MYO9A: variants seen among roughly 807,000 people sequenced by gnomAD.
MYO9A encodes the protein myosin IXA.
In MYO9A, 103 loss-of-function variants were observed where a neutral mutation model predicts 293.3. That is an observed-to-expected ratio of 0.35 (90% CI 0.30 to 0.41). The LOEUF (loss-of-function observed/expected upper bound fraction) is 0.41, where lower values mean the gene tolerates loss of function less well. Among genes scored for constraint, MYO9A ranks in the 10% least tolerant of loss-of-function variants. The probability of loss-of-function intolerance (pLI) is 1.00; values close to 1 mark genes in which losing one functional copy is unlikely to be tolerated. For missense variants in MYO9A, 2,685 were observed against 3,033.0 expected (o/e 0.89, Z 2.69); for synonymous variants, 1,001 against 1,035.7 (o/e 0.97, Z 0.64).
At chr15:72,085,749 G>A (rs767194056) in intron 1 of MYO9A, among the ~76,000 whole-genome samples, 20 of 152,124 alleles carry the variant, frequency 1.3e-4, no homozygotes, top group Admixed American at 8.5e-4. Context: ...TCAACTTTGC[G>A]GGCTGATGTT....
chr15:72,005,985 G>A (rs572486961), intron 8 of MYO9A, among the ~76,000 whole-genome samples: 1 of 152,274 alleles, frequency 6.6e-6, no homozygotes, highest in African/African-American at 2.4e-5. Flanking sequence ...TCCTTCAACA[G>A]ATAAATGAAT....
At chr15:71,903,116 A>G (rs1409266084) in intron 21 of MYO9A, 53 bp from the exon 22 acceptor site, 11 of 1,434,536 alleles carry the variant, frequency 7.7e-6, no homozygotes, top group Non-Finnish European at 1.1e-5. Context: ...TATGTAAACA[A>G]GACCTTAAAC....
At chr15:71,968,537 T>A (rs1236912139) in intron 12 of MYO9A, among the ~76,000 whole-genome samples, 1 of 152,200 alleles carries the variant, frequency 6.6e-6, no homozygotes, top group South Asian at 2.1e-4. Context: ...TAAAAATCCA[T>A]AAGAATTATT....
rs938361111 is a variant in MYO9A, at chr15:72,116,037, G to A, written c.-72+1643C>T. Among the ~76,000 whole-genome samples the A allele has an allele frequency of 1.5e-4, 23 of 152,288 alleles. 1 individual carries two copies. Among genetic ancestry groups the A allele is most frequent in the Middle Eastern group, 6.8e-3 (2 of 294 alleles). On this transcript the variant is annotated intron_variant, in intron 1 of 41. Coordinates refer to ENST00000356056, the MANE Select transcript of MYO9A (RefSeq NM_006901.4). The stretch of plus-strand genomic sequence containing the variant: ...AAAAAAAACAGGCTATGTATAGAAT[G>A]TAAAGTATGCAACCATTTGTGTACA...
intron 39 of MYO9A, among the ~76,000 whole-genome samples, chr15:71,845,736 T>C (rs1249786222): frequency 6.6e-6 from 1 of 152,224 alleles, no homozygotes; most frequent in Admixed American, 6.5e-5. Flanking sequence ...AAATTAATTT[T>C]ATTTACTTCT....
At chr15:72,071,640 G>A (rs917827750) in intron 1 of MYO9A, among the ~76,000 whole-genome samples, 4 of 152,030 alleles carry the variant, frequency 2.6e-5, no homozygotes, top group Non-Finnish European at 5.9e-5. Context: ...TACAGAGGCA[G>A]GTTACAGAGG....
intron 16 of MYO9A, among the ~76,000 whole-genome samples, chr15:71,937,991 A>T (rs1192260440): frequency 1.3e-5 from 2 of 152,170 alleles, no homozygotes; most frequent in African/African-American, 4.8e-5. Flanking sequence ...TACAATATAA[A>T]GATAGCAAAT....
At chr15:71,960,936 C>T (rs1017852993) in intron 13 of MYO9A, among the ~76,000 whole-genome samples, 45 of 152,090 alleles carry the variant, frequency 3.0e-4, no homozygotes, top group Non-Finnish European at 5.3e-4. Flanking sequence ...CAGGCTGGAG[C>T]ACTGGGGACA....
intron 35 of MYO9A, among the ~76,000 whole-genome samples, chr15:71,853,263 C>A (rs375706659): frequency 1.2e-4 from 19 of 152,316 alleles, no homozygotes; most frequent in African/African-American, 4.6e-4. Flanking sequence ...AAAACGCATA[C>A]AGGACACTTT....
chr15:71,978,745 C>A (rs2076202795), intron 11 of MYO9A, among the ~76,000 whole-genome samples: 1 of 150,608 alleles, frequency 6.6e-6, no homozygotes. Flanking sequence ...AATTCATACA[C>A]ACTAAACTTT....
chr15:71,954,855 C>T (rs1264152668), intron 14 of MYO9A, among the ~76,000 whole-genome samples: 4 of 152,196 alleles, frequency 2.6e-5, no homozygotes, highest in Non-Finnish European at 5.9e-5. Flanking sequence ...AGACCTTAGG[C>T]AATATCTTTG....
chr15:71,976,686 T>C (rs1030353188), intron 12 of MYO9A, among the ~76,000 whole-genome samples: 1 of 152,234 alleles, frequency 6.6e-6, no homozygotes, highest in Non-Finnish European at 1.5e-5. Context: ...TGTTGGGGCA[T>C]ATAGAGTAAT....
intron 32 of MYO9A, among the ~76,000 whole-genome samples, chr15:71,865,886 G>C (rs1190617067): frequency 6.6e-6 from 1 of 152,166 alleles, no homozygotes; most frequent in Non-Finnish European, 1.5e-5. Flanking sequence ...AATTTCTTGA[G>C]ACAACCATCA....
At chr15:71,879,420 A>C (rs777161403) in intron 30 of MYO9A, among the ~76,000 whole-genome samples, 1 of 152,226 alleles carries the variant, frequency 6.6e-6, no homozygotes, top group Non-Finnish European at 1.5e-5. Context: ...GAAAAGTCAC[A>C]GGCAAAAACA....
intron 1 of MYO9A, among the ~76,000 whole-genome samples, chr15:72,077,744 AAAAAAAAAATATATAT>A (rs1430740523): frequency 7.3e-5 from 3 of 41,336 alleles, no homozygotes; most frequent in Non-Finnish European, 1.7e-4. Context: ...AAAAAAAAAA[AAAAAAAAAATATATAT>A]ATATATATAT....
At chr15:72,107,796 A>AT (rs1175551950) in intron 1 of MYO9A, among the ~76,000 whole-genome samples, 4 of 5,314 alleles carry the variant, frequency 7.5e-4, no homozygotes, top group African/African-American at 9.5e-4. Flanking sequence ...CAATTTGAGC[A>AT]TCAAAAAAAA....
At chr15:72,070,612 C>T (rs141908328) in intron 1 of MYO9A, among the ~76,000 whole-genome samples, 6 of 152,170 alleles carry the variant, frequency 3.9e-5, no homozygotes, top group Non-Finnish European at 4.4e-5. Flanking sequence ...ATTGCTTGAA[C>T]CCAGGAGGTG....
intron 14 of MYO9A, chr15:71,958,635 T>C (rs1276376596): frequency 1.3e-5 from 2 of 152,182 alleles, no homozygotes; most frequent in Non-Finnish European, 2.9e-5. Flanking sequence ...TCCACTGAAC[T>C]ATACATTTTT....
chr15:72,028,481 C>T (rs951141668), intron 3 of MYO9A, among the ~76,000 whole-genome samples: 2 of 151,264 alleles, frequency 1.3e-5, no homozygotes, highest in Non-Finnish European at 2.9e-5. Context: ...AACCCCATCA[C>T]TACTAAAAAT....
Sources: allele counts gnomAD v4.1 joint callset (sites outside exome capture counted in the v4.1 genomes callset), GRCh38; gene constraint gnomAD v4.1.1; transcripts MANE v1.5; gene names NCBI Gene and HGNC (gene_info 2026-07-23, HGNC 2026-07-21).